Variants in ADAMTS17 observed in about 807,000 individuals in gnomAD.
The protein encoded by ADAMTS17 is ADAM metallopeptidase with thrombospondin type 1 motif 17, also known as A disintegrin and metalloproteinase with thrombospondin motifs 17.
A neutral mutation model predicts 141.5 loss-of-function variants in ADAMTS17; 113 were observed. That is an observed-to-expected ratio of 0.80 (90% CI 0.69 to 0.93). The LOEUF (loss-of-function observed/expected upper bound fraction) is 0.93. Among genes scored for constraint, ADAMTS17 ranks in the 40% least tolerant of loss-of-function variants. ADAMTS17 has a pLI of 0.00. For missense variants in ADAMTS17, 1,659 were observed against 1,517.9 expected (o/e 1.09, Z -1.54); for synonymous variants, 768 against 630.6 (o/e 1.22, Z -3.27).
intron 18 of ADAMTS17, among the ~76,000 whole-genome samples, chr15:100,031,151 G>T (rs934563461): frequency 6.6e-6 from 1 of 152,310 alleles, no homozygotes; most frequent in South Asian, 2.1e-4. Flanking sequence ...GCAGCTAGGG[G>T]TGAGGTGGGG....
chr15:99,999,935 ACT>A (rs1017153292), intron 18 of ADAMTS17, among the ~76,000 whole-genome samples: 6 of 151,828 alleles, frequency 4.0e-5, no homozygotes, highest in African/African-American at 1.5e-4. Flanking sequence ...CAGAATCATC[ACT>A]CTATCCTCAG....
At chr15:100,143,250 C>A (rs908282582) in intron 10 of ADAMTS17, among the ~76,000 whole-genome samples, 1 of 152,210 alleles carries the variant, frequency 6.6e-6, no homozygotes. Context: ...AGCAGCAATA[C>A]ACACTCTTCC....
intron 15 of ADAMTS17, among the ~76,000 whole-genome samples, chr15:100,058,325 C>CCCTCCTATCCCGGCTCTA (rs2032810181): frequency 2.6e-5 from 4 of 151,980 alleles, no homozygotes; most frequent in Admixed American, 6.5e-5. Context: ...CCGGCTCTAA[C>CCCTCCTATCCCGGCTCTA]ACCCCTATCC....
intron 4 of ADAMTS17, among the ~76,000 whole-genome samples, chr15:100,266,948 C>A (rs1338189984): frequency 6.6e-6 from 1 of 152,164 alleles, no homozygotes; most frequent in Non-Finnish European, 1.5e-5. Context: ...ACTAAGTACC[C>A]AGTAAATCAA....
chr15:100,226,508 C>T (rs4305002), intron 7 of ADAMTS17, among the ~76,000 whole-genome samples: 3 of 152,300 alleles, frequency 2.0e-5, no homozygotes, highest in South Asian at 2.1e-4. Context: ...GAGGCTTTTC[C>T]GTGAAACTGA....
chr15:100,073,232 A>T (rs2034112185), intron 15 of ADAMTS17, among the ~76,000 whole-genome samples: 1 of 152,228 alleles, frequency 6.6e-6, no homozygotes, highest in Admixed American at 6.5e-5. Flanking sequence ...CACACCAGTT[A>T]GAATGGCAAT....
intron 2 of ADAMTS17, among the ~76,000 whole-genome samples, chr15:100,337,517 G>C (rs2046242837): frequency 6.6e-6 from 1 of 152,224 alleles, no homozygotes; most frequent in Non-Finnish European, 1.5e-5. Context: ...CCTTCAAGGT[G>C]ACCTGGAACG....
chr15:100,241,236 CT>C (rs2042818765), intron 7 of ADAMTS17, among the ~76,000 whole-genome samples: 1 of 152,206 alleles, frequency 6.6e-6, no homozygotes, highest in Non-Finnish European at 1.5e-5. Flanking sequence ...TCCAAGACTA[CT>C]TTTTAATTCT....
chr15:100,061,739 G>C (rs566470096), intron 15 of ADAMTS17, among the ~76,000 whole-genome samples: 4 of 152,366 alleles, frequency 2.6e-5, no homozygotes, highest in African/African-American at 9.6e-5. Flanking sequence ...CGGAAGCCAA[G>C]GGACTTACTC....
At chr15:100,108,603 C>T (rs973709544) in intron 14 of ADAMTS17, among the ~76,000 whole-genome samples, 3 of 152,214 alleles carry the variant, frequency 2.0e-5, no homozygotes, top group African/African-American at 4.8e-5. Context: ...ATCTGCCTGG[C>T]GTGACCTGCA....
intron 20 of ADAMTS17, among the ~76,000 whole-genome samples, chr15:99,982,365 CCT>C (rs2141289029): frequency 6.6e-6 from 1 of 152,266 alleles, no homozygotes; most frequent in African/African-American, 2.4e-5. Context: ...TGCCTGGCTC[CCT>C]GAGTTGATCA....
chr15:100,087,611 C>G (rs565039620), intron 15 of ADAMTS17, among the ~76,000 whole-genome samples: 1 of 152,170 alleles, frequency 6.6e-6, no homozygotes, highest in African/African-American at 2.4e-5. Context: ...CAAACCGAAT[C>G]CAGCAGCACA....
intron 18 of ADAMTS17, among the ~76,000 whole-genome samples, chr15:100,012,310 G>A (rs1357219366): frequency 2.6e-5 from 4 of 152,106 alleles, no homozygotes; most frequent in Non-Finnish European, 2.9e-5. Flanking sequence ...TGTATACATC[G>A]TGAAGATTTT....
chr15:100,310,298 G>A (rs1596493915), intron 3 of ADAMTS17, among the ~76,000 whole-genome samples: 1 of 152,224 alleles, frequency 6.6e-6, no homozygotes, highest in South Asian at 2.1e-4. Context: ...ACAGGGAGAG[G>A]AGGGGTAATA....
chr15:100,044,830 C>T (rs577999158), intron 18 of ADAMTS17, among the ~76,000 whole-genome samples: 9 of 143,452 alleles, frequency 6.3e-5, no homozygotes, highest in East Asian at 2.1e-4. Flanking sequence ...TTTTTTGAGA[C>T]GGAGTCTGGC....
chr15:99,993,278 G>A lies in ADAMTS17; in HGVS notation c.2797-78C>T, dbSNP rs1404810782. 3 of 1,577,288 alleles carry A rather than the reference G, an allele frequency of 1.9e-6. No homozygotes were observed. The highest frequency in any genetic ancestry group is 2.6e-6 in the Non-Finnish European group (3 of 1,150,834). On this transcript the variant is annotated intron_variant, in intron 19 of 21. Transcript: ENST00000268070. The surrounding 1 kb of genome is among the most constrained non-coding windows in gnomAD (Gnocchi z 4.3). ...TCAACAGCTATTAACTCCCTCCAAT[G>A]TGCCAGGTGCGGTGTGGGGATGATA...
chr15:100,077,489 A>C (rs2034463336), intron 15 of ADAMTS17, among the ~76,000 whole-genome samples: 1 of 151,170 alleles, frequency 6.6e-6, no homozygotes, highest in South Asian at 2.1e-4. Flanking sequence ...CAATCAATAT[A>C]ATCCTCCATG....
chr15:100,015,738 G>A (rs964698847), intron 18 of ADAMTS17, among the ~76,000 whole-genome samples: 1 of 152,198 alleles, frequency 6.6e-6, no homozygotes, highest in Non-Finnish European at 1.5e-5. Context: ...GAAATCTGCT[G>A]TTAATATGAT....
At position 99,989,526 on chromosome 15, in the gene ADAMTS17, C is replaced by T. The variant is rs544105503; in HGVS notation, c.2949+3522G>A. ...CTGTGCTGGGCAGCTTCCCCTTCTACACCTTCTGGACTCTCCGTAACCATG... is the reference window on the plus strand; with the variant it reads ...CTGTGCTGGGCAGCTTCCCCTTCTATACCTTCTGGACTCTCCGTAACCATG... On this transcript the variant is annotated intron_variant, in intron 20 of 21. Coordinates refer to ENST00000268070, the MANE Select transcript of ADAMTS17 (RefSeq NM_139057.4). Among the ~76,000 whole-genome samples the T allele has an allele frequency of 3.9e-5, 6 of 152,382 alleles. No homozygotes were observed. The East Asian group carries it at 1.2e-3, about 29-fold the overall frequency.
Sources: allele counts gnomAD v4.1 joint callset (sites outside exome capture counted in the v4.1 genomes callset), GRCh38; gene constraint gnomAD v4.1.1; non-coding constraint Gnocchi (gnomAD v3.1); transcripts MANE v1.5; gene names NCBI Gene and HGNC (gene_info 2026-07-23, HGNC 2026-07-21).